PTPRO: variants seen among roughly 807,000 people sequenced by gnomAD.
PTPRO encodes the protein protein tyrosine phosphatase receptor type O.
PTPRO carries 62 observed loss-of-function variants against 145.2 expected under a neutral mutation model. That is an observed-to-expected ratio of 0.43 (90% confidence interval 0.35 to 0.53). The LOEUF is 0.53. Among genes scored for constraint, PTPRO ranks in the 20% least tolerant of loss-of-function variants. The probability of loss-of-function intolerance (pLI) is 0.01; values close to 1 mark genes in which losing one functional copy is unlikely to be tolerated. For missense variants in PTPRO, 1,345 were observed against 1,482.7 expected (o/e 0.91, Z 1.53); for synonymous variants, 565 against 514.7 (o/e 1.10, Z -1.32).
At chr12:15,557,396 G>T (rs1418127614) in intron 15 of PTPRO, 59 bp from the exon 16 acceptor site, 15 of 1,416,168 alleles carry the variant, frequency 1.1e-5, no homozygotes, top group Admixed American at 5.0e-5. Flanking sequence ...TTACTTTTAG[G>T]TCAACGTAAG....
chr12:15,516,429 T>A (rs1291565770), intron 8 of PTPRO, among the ~76,000 whole-genome samples: 114 of 91,426 alleles, frequency 1.2e-3, no homozygotes, highest in East Asian at 2.7e-3. Flanking sequence ...GGAGAAAAAG[T>A]GAGAAAGAGA....
intron 1 of PTPRO, among the ~76,000 whole-genome samples, chr12:15,405,869 G>C (rs1259437842): frequency 6.6e-6 from 1 of 152,150 alleles, no homozygotes; most frequent in Non-Finnish European, 1.5e-5. Context: ...AGAACCAAGG[G>C]AGAAAGACAT....
chr12:15,433,415 C>T (rs1318295578), intron 1 of PTPRO, among the ~76,000 whole-genome samples: 1 of 152,182 alleles, frequency 6.6e-6, no homozygotes, highest in Non-Finnish European at 1.5e-5. Flanking sequence ...GATCTCCTGA[C>T]CTCATGATCC....
intron 1 of PTPRO, among the ~76,000 whole-genome samples, chr12:15,401,080 A>T (rs1018702591): frequency 2.2e-4 from 34 of 152,134 alleles, no homozygotes; most frequent in African/African-American, 8.2e-4. Context: ...CATCAGGTTG[A>T]CTGGGAATGC....
At chr12:15,333,891 A>T (rs905020078) in intron 1 of PTPRO, among the ~76,000 whole-genome samples, 15 of 152,212 alleles carry the variant, frequency 9.9e-5, no homozygotes, top group Non-Finnish European at 1.5e-5. Context: ...TGTGTAATGA[A>T]GCAAAAGCAT....
intron 12 of PTPRO, among the ~76,000 whole-genome samples, chr12:15,541,516 G>A (rs962214088): frequency 4.6e-5 from 7 of 152,220 alleles, no homozygotes; most frequent in Non-Finnish European, 2.9e-5. Context: ...TCTGGAGTCT[G>A]GAAGTTCAAG....
chr12:15,587,357 A>T (rs1372514586), intron 24 of PTPRO, among the ~76,000 whole-genome samples: 3 of 152,208 alleles, frequency 2.0e-5, no homozygotes, highest in African/African-American at 4.8e-5. Context: ...ATTCAAATCC[A>T]GGCATGCCAA....
chr12:15,573,976 C>G (rs995774293), intron 19 of PTPRO, among the ~76,000 whole-genome samples: 13 of 152,198 alleles, frequency 8.5e-5, no homozygotes, highest in African/African-American at 3.1e-4. Context: ...TCACCTTGGT[C>G]TAGATAATTC....
intron 1 of PTPRO, among the ~76,000 whole-genome samples, chr12:15,478,554 G>T (rs1941708456): frequency 6.6e-6 from 1 of 152,152 alleles, no homozygotes; most frequent in South Asian, 2.1e-4. Flanking sequence ...TTTAATTTGG[G>T]TATGGGGAAG....
chr12:15,569,327 A>T, intron 18 of PTPRO, 90 bp from the exon 19 acceptor site: 1 of 1,199,320 alleles, frequency 8.3e-7, no homozygotes, highest in Non-Finnish European at 1.2e-6. Context: ...ATTTTCTCCA[A>T]GAAGATTAAG....
At chr12:15,512,347 T>C (rs184556044) in intron 7 of PTPRO, among the ~76,000 whole-genome samples, 18 of 151,722 alleles carry the variant, frequency 1.2e-4, no homozygotes, top group African/African-American at 3.1e-4. Flanking sequence ...ACTCCCAACC[T>C]CAGGTGATCT....
chr12:15,370,887 G>A (rs1349093430), intron 1 of PTPRO, among the ~76,000 whole-genome samples: 1 of 152,056 alleles, frequency 6.6e-6, no homozygotes, highest in Admixed American at 6.6e-5. Flanking sequence ...GACTAAAACA[G>A]CTTAAATTTC....
Position 15,542,063 on chromosome 12 carries a change from T to C in PTPRO, c.2165-4506T>C, listed in dbSNP as rs953698070. 5.3e-5 allele frequency among the ~76,000 whole-genome samples: 8 copies of C among 152,246 alleles called. No homozygotes were observed. The South Asian group carries it at 1.7e-3, about 32-fold the overall frequency. On this transcript the variant is annotated intron_variant, in intron 12 of 26. Transcript: ENST00000281171. ...TACTAAGGGTTAGGGTTTCAGCATA[T>C]GAATTTAGGCGGAGGGGATATAATT... is the stretch of plus-strand genomic sequence containing the variant.
chr12:15,580,785 AG>A lies in PTPRO; in HGVS notation c.3087del (p.Lys1029AsnfsTer17). On this transcript the variant is annotated frameshift_variant, in exon 22 of 27. Coordinates refer to ENST00000281171, the MANE Select transcript of PTPRO (RefSeq NM_030667.3). LOFTEE classifies it high-confidence loss of function. Reference sequence around the variant, plus strand: ...TTCTGGAAGATGGTCCTGCAACAAAAGTCTCAGATTATTGTCATGCTCACTC... The same window carrying A: ...TTCTGGAAGATGGTCCTGCAACAAAATCTCAGATTATTGTCATGCTCACTC... ...NDFWKMVLQQ[K>X]SQIIVMLTQC... 1 of 1,614,038 alleles carries A rather than the reference AG, an allele frequency of 6.2e-7. No homozygotes were observed.
intron 1 of PTPRO, among the ~76,000 whole-genome samples, chr12:15,438,212 C>T (rs1940654821): frequency 6.6e-6 from 1 of 151,852 alleles, no homozygotes; most frequent in Admixed American, 6.6e-5. Flanking sequence ...AAGGAAAAGT[C>T]CTACCTGTAT....
intron 1 of PTPRO, among the ~76,000 whole-genome samples, chr12:15,390,667 G>A (rs1314217825): frequency 6.6e-6 from 1 of 152,078 alleles, no homozygotes. Context: ...AGAATTATAT[G>A]GTCTAGGCCC....
intron 1 of PTPRO, among the ~76,000 whole-genome samples, chr12:15,439,157 A>G (rs1283850335): frequency 6.6e-6 from 1 of 152,184 alleles, no homozygotes; most frequent in East Asian, 1.9e-4. Flanking sequence ...CCAACCAAGA[A>G]TTCTATATCT....
At chr12:15,579,050 G>A (rs892385493) in intron 20 of PTPRO, 107 bp downstream of exon 20, 35 of 921,182 alleles carry the variant, frequency 3.8e-5, no homozygotes, top group African/African-American at 8.2e-5. Flanking sequence ...CTTGTGGTCC[G>A]GATCTCAAGG....
chr12:15,478,862 AG>A (rs1400345260), intron 1 of PTPRO, among the ~76,000 whole-genome samples: 1 of 151,986 alleles, frequency 6.6e-6, no homozygotes, highest in Non-Finnish European at 1.5e-5. Context: ...TAGTAGAGAC[AG>A]GGTTTCACTG....
Sources: allele counts gnomAD v4.1 joint callset (sites outside exome capture counted in the v4.1 genomes callset), GRCh38; gene constraint gnomAD v4.1.1; transcripts MANE v1.5; gene names NCBI Gene and HGNC (gene_info 2026-07-23, HGNC 2026-07-21).